Variants in AFF3 observed in about 807,000 individuals in gnomAD.
AFF3 encodes ALF transcription elongation factor 3, also known as AF4/FMR2 family member 3.
Under a neutral mutation model 129.7 loss-of-function variants are expected in AFF3, and 32 were observed. The ratio of observed to expected loss-of-function variants is 0.25; its 90% confidence interval spans 0.19 to 0.33. The LOEUF (loss-of-function observed/expected upper bound fraction) is 0.33. Ranked by LOEUF, AFF3 falls within the 10% of genes least tolerant of loss-of-function variation. The probability of loss-of-function intolerance (pLI) is 1.00; values close to 1 mark genes in which losing one functional copy is unlikely to be tolerated. For synonymous variants in AFF3, 644 were observed against 635.4 expected (o/e 1.01, Z -0.20); for missense variants, 1,373 against 1,592.0 (o/e 0.86, Z 2.34).
At chr2:99,928,019 C>T (rs540278880) in intron 7 of AFF3, among the ~76,000 whole-genome samples, 20,365 of 152,076 alleles carry the variant, frequency 0.13, 1,522 homozygotes, top group Non-Finnish European at 0.16. Flanking sequence ...TACACAAGCT[C>T]TCTCTCTGCC....
chr2:99,644,767 T>C (rs1186758693), intron 13 of AFF3, among the ~76,000 whole-genome samples: 6 of 152,234 alleles, frequency 3.9e-5, no homozygotes, highest in African/African-American at 1.4e-4. Context: ...GCACTTCATA[T>C]GCTGCACACA....
At chr2:99,677,090 A>G (rs1352238814) in intron 11 of AFF3, among the ~76,000 whole-genome samples, 1 of 152,056 alleles carries the variant, frequency 6.6e-6, no homozygotes, top group African/African-American at 2.4e-5. Flanking sequence ...CAATATAGCA[A>G]AATACTGTCT....
chr2:99,730,092 C>T (rs1482517057), intron 10 of AFF3, among the ~76,000 whole-genome samples: 2 of 152,102 alleles, frequency 1.3e-5, no homozygotes, highest in African/African-American at 4.8e-5. Flanking sequence ...TCTGGCTGGG[C>T]CTTCCACATT....
At position 99,967,262 on chromosome 2, in the gene AFF3, C is replaced by A. The variant is rs1463901673; in HGVS notation, c.873+39370G>T. Among the ~76,000 whole-genome samples the A allele has an allele frequency of 1.3e-4, 19 of 151,628 alleles. 1 individual carries two copies. Among genetic ancestry groups the A allele is most frequent in the Admixed American group, 1.2e-3 (19 of 15,204 alleles). ...CCTGTCTCCCTCCCCCTCTTCCTCTCCCAATTTCTCTGCCTCTCTTGACCA... is the reference window on the plus strand; with the variant it reads ...CCTGTCTCCCTCCCCCTCTTCCTCTACCAATTTCTCTGCCTCTCTTGACCA... On this transcript the variant is annotated intron_variant, in intron 7 of 24. Transcript: ENST00000672756.
chr2:100,102,380 T>C (rs951027753), intron 4 of AFF3, among the ~76,000 whole-genome samples: 1 of 152,004 alleles, frequency 6.6e-6, no homozygotes, highest in Non-Finnish European at 1.5e-5. Flanking sequence ...TGTCCTAGTA[T>C]ATTGTGATCA....
At position 99,902,641 on chromosome 2, in the gene AFF3, G is replaced by A. The variant is rs186689926; in HGVS notation, c.874-65117C>T. Among the ~76,000 whole-genome samples, 14 of 152,176 alleles carry A rather than the reference G, an allele frequency of 9.2e-5. No homozygotes were observed. The East Asian group carries it at 2.3e-3, about 25-fold the overall frequency. On this transcript the variant is annotated intron_variant, in intron 7 of 24. Transcript: ENST00000672756. ...TTCTATGGTAACTGTATGTTCAAAG[G>A]GAAGAATCACCTCCAAATTTAACCT... is the stretch of plus-strand genomic sequence containing the variant.
At chr2:99,855,645 AAATAG>A in intron 7 of AFF3, among the ~76,000 whole-genome samples, 1 of 152,308 alleles carries the variant, frequency 6.6e-6, no homozygotes, top group African/African-American at 2.4e-5. Context: ...CCAAATAAAT[AAATAG>A]GATAGGATAA....
intron 2 of AFF3, among the ~76,000 whole-genome samples, chr2:100,108,765 G>C (rs1691410828): frequency 6.6e-6 from 1 of 152,086 alleles, no homozygotes; most frequent in South Asian, 2.1e-4. Flanking sequence ...TTATTGCCCA[G>C]ATGTCAAAAG....
chr2:99,647,380 A>G (rs1299032041), intron 13 of AFF3, among the ~76,000 whole-genome samples: 3 of 152,228 alleles, frequency 2.0e-5, no homozygotes, highest in Non-Finnish European at 4.4e-5. Flanking sequence ...ATCCTCAGCA[A>G]ACTAATGCAG....
intron 4 of AFF3, among the ~76,000 whole-genome samples, chr2:100,016,266 G>A (rs1444621586): frequency 4.6e-5 from 7 of 151,256 alleles, no homozygotes; most frequent in East Asian, 2.0e-4. Context: ...TAGTGGTGGC[G>A]GTGGCAGTGG....
At chr2:99,720,017 A>G (rs149451445) in intron 11 of AFF3, among the ~76,000 whole-genome samples, 6,582 of 152,356 alleles carry the variant, frequency 0.043, 183 homozygotes, top group African/African-American at 0.081. Flanking sequence ...AGCCTGGGTG[A>G]CAGAGCGAGA....
intron 7 of AFF3, among the ~76,000 whole-genome samples, chr2:99,994,770 C>T (rs1029184155): frequency 1.3e-5 from 2 of 152,134 alleles, no homozygotes; most frequent in African/African-American, 2.4e-5. Context: ...AGATTATATG[C>T]TATGCTTGAA....
intron 7 of AFF3, among the ~76,000 whole-genome samples, chr2:99,950,425 G>C (rs1676040305): frequency 6.6e-6 from 1 of 152,074 alleles, no homozygotes; most frequent in South Asian, 2.1e-4. Flanking sequence ...AAAAATACAT[G>C]GGTTGAATCT....
chr2:99,733,235 C>T (rs1679977443), intron 10 of AFF3, among the ~76,000 whole-genome samples: 5 of 151,876 alleles, frequency 3.3e-5, no homozygotes, highest in Middle Eastern at 3.4e-3. Flanking sequence ...AAAAATTAGC[C>T]GGGTGTGGTG....
chr2:100,046,371 A>C (rs1276030996), intron 4 of AFF3, among the ~76,000 whole-genome samples: 2 of 152,166 alleles, frequency 1.3e-5, no homozygotes, highest in African/African-American at 4.8e-5. Context: ...TTAAACCATT[A>C]ATCTACGATG....
At chr2:99,803,506 G>T (rs958328376) in intron 8 of AFF3, among the ~76,000 whole-genome samples, 24 of 152,058 alleles carry the variant, frequency 1.6e-4, no homozygotes, top group African/African-American at 5.8e-4. Context: ...TGACCATGTG[G>T]CTCAAAGCAA....
intron 4 of AFF3, among the ~76,000 whole-genome samples, chr2:100,103,907 G>C (rs1338692410): frequency 1.3e-5 from 2 of 149,552 alleles, no homozygotes; most frequent in African/African-American, 2.5e-5. Flanking sequence ...GGGTGGGAGA[G>C]ACAGAAAGGA....
rs183530134 is a variant in AFF3 at position 100,052,870 on chromosome 2, C to T, written c.54-43938G>A. Among the ~76,000 whole-genome samples the T allele has an allele frequency of 1.1e-3, 161 of 152,274 alleles. 4 individuals carry two copies. The South Asian group carries it at 0.03, about 29-fold the overall frequency. On this transcript the variant is annotated intron_variant, in intron 4 of 24. Coordinates refer to ENST00000672756, the MANE Select transcript of AFF3 (RefSeq NM_001386135.1). ...CTTCCCCAGTACGAGCTTGAGCATGCGCACCTGCAACATGTGAGGCTCTTA... is the reference window on the plus strand; with the variant it reads ...CTTCCCCAGTACGAGCTTGAGCATGTGCACCTGCAACATGTGAGGCTCTTA...
intron 7 of AFF3, among the ~76,000 whole-genome samples, chr2:99,965,498 C>T (rs566373226): frequency 5.3e-5 from 8 of 152,290 alleles, no homozygotes; most frequent in East Asian, 3.9e-4. Context: ...AAACTTGCAT[C>T]GGAAAACTGA....
Sources: gnomAD v4.1 joint callset for allele counts (sites outside exome capture counted in the v4.1 genomes callset) on GRCh38, gnomAD v4.1.1 for gene constraint, MANE v1.5 for transcripts, NCBI Gene and HGNC (gene_info 2026-07-23, HGNC 2026-07-21) for gene names.